The following PTDSS1 variants were observed in gnomAD, a reference collection of about 807,000 sequenced individuals.
The protein encoded by PTDSS1 is phosphatidylserine synthase 1, also known as PSS-1.
In PTDSS1, 45 loss-of-function variants were observed where a neutral mutation model predicts 70.5. The ratio of observed to expected loss-of-function variants is 0.64; its 90% confidence interval spans 0.50 to 0.82. The LOEUF (loss-of-function observed/expected upper bound fraction) is 0.82. Among genes scored for constraint, PTDSS1 ranks in the 40% least tolerant of loss-of-function variants. The probability of loss-of-function intolerance (pLI) is 0.00; values close to 1 mark genes in which losing one functional copy is unlikely to be tolerated. For synonymous variants in PTDSS1, 188 were observed against 203.8 expected (o/e 0.92, Z 0.66); for missense variants, 417 against 586.1 (o/e 0.71, Z 2.98).
chr8:96,266,877 C>T (rs574321490), intron 1 of PTDSS1, among the ~76,000 whole-genome samples: 5 of 151,972 alleles, frequency 3.3e-5, no homozygotes, highest in South Asian at 4.2e-4. Flanking sequence ...GTCCATAATA[C>T]GATTTCTAAT....
At chr8:96,325,376 G>GC (rs1343956999) in intron 10 of PTDSS1, among the ~76,000 whole-genome samples, 3 of 152,198 alleles carry the variant, frequency 2.0e-5, no homozygotes, top group Non-Finnish European at 4.4e-5. Context: ...TGTGCATAAG[G>GC]CTAAAGGATA....
chr8:96,286,684 C>T (rs1563567893), intron 3 of PTDSS1, among the ~76,000 whole-genome samples: 1 of 152,190 alleles, frequency 6.6e-6, no homozygotes, highest in Non-Finnish European at 1.5e-5. Flanking sequence ...CTAGATATTT[C>T]TCTTTTCGGA....
intron 2 of PTDSS1, among the ~76,000 whole-genome samples, chr8:96,279,058 C>A (rs1461544293): frequency 1.3e-5 from 2 of 150,972 alleles, no homozygotes; most frequent in Non-Finnish European, 2.9e-5. Context: ...GCACCCTCCA[C>A]CTCCCGGGCT....
rs1563587586 is a variant in PTDSS1 at position 96,330,278 on chromosome 8, AAAGGTATGGAAGGAGAGGCAGGC to A, written c.1241_1242+21del. 1 of 1,609,064 alleles carries A rather than the reference AAAGGTATGGAAGGAGAGGCAGGC, an allele frequency of 6.2e-7. No homozygotes were observed. Among genetic ancestry groups the A allele is most frequent in the Non-Finnish European group, 8.5e-7 (1 of 1,176,518 alleles). On this transcript the variant is annotated splice_donor_variant and splice_donor_5th_base_variant and coding_sequence_variant and intron_variant, in exon 11 of 13. Transcript: ENST00000517309. LOFTEE classifies it high-confidence loss of function. ...ATGCAGAACACTATGGTCACCGAGA[AAAGGTATGGAAGGAGAGGCAGGC>A]ATGGCCATTGTTTAAAATAATCACC...
At chr8:96,288,449 C>G (rs947551584) in intron 4 of PTDSS1, among the ~76,000 whole-genome samples, 1 of 151,756 alleles carries the variant, frequency 6.6e-6, no homozygotes, top group Non-Finnish European at 1.5e-5. Flanking sequence ...TTCAGCCTCC[C>G]GAATAGCTAG....
chr8:96,289,329 G>T (rs1271291422), intron 4 of PTDSS1, among the ~76,000 whole-genome samples: 1 of 152,112 alleles, frequency 6.6e-6, no homozygotes, highest in African/African-American at 2.4e-5. Context: ...TCTTTCTGAT[G>T]ATCAGCCCCA....
intron 9 of PTDSS1, among the ~76,000 whole-genome samples, chr8:96,314,609 A>G (rs1811258670): frequency 6.6e-6 from 1 of 151,794 alleles, no homozygotes; most frequent in East Asian, 2.0e-4. Flanking sequence ...GACAGTAGTT[A>G]CATTTGAGAT....
chr8:96,331,001 G>A lies in PTDSS1; in HGVS notation c.1243-25G>A, dbSNP rs749986767. ...CTCCCAGGGAGTTCCTAAAATTCCT[G>A]CACTAAGCCTGTCTCTCTCCCTAGA... On this transcript the variant is annotated intron_variant, in intron 11 of 12. Coordinates refer to ENST00000517309, the MANE Select transcript of PTDSS1 (RefSeq NM_014754.3). The A allele has an allele frequency of 8.2e-6, 13 of 1,595,052 alleles. 1 individual carries two copies. Among genetic ancestry groups the A allele is most frequent in the Middle Eastern group, 1.7e-4 (1 of 6,008 alleles).
chr8:96,292,281 C>A (rs941550575), intron 4 of PTDSS1, among the ~76,000 whole-genome samples: 3 of 127,330 alleles, frequency 2.4e-5, no homozygotes, highest in East Asian at 4.3e-4. Context: ...GCCTAGGCAA[C>A]GCTGTCTCAA....
intron 4 of PTDSS1, among the ~76,000 whole-genome samples, chr8:96,288,752 C>T (rs1182793606): frequency 4.6e-5 from 7 of 150,934 alleles, no homozygotes; most frequent in African/African-American, 1.7e-4. Flanking sequence ...GCCTCAGCCT[C>T]CTGAGGAACT....
intron 5 of PTDSS1, among the ~76,000 whole-genome samples, chr8:96,296,751 A>C (rs74701702): frequency 0.017 from 2,598 of 152,338 alleles, 34 homozygotes; most frequent in Non-Finnish European, 0.028. Flanking sequence ...TGGAGTGCAC[A>C]GCCTTGCTTC....
At chr8:96,279,250 G>A (rs547488626) in intron 2 of PTDSS1, among the ~76,000 whole-genome samples, 7 of 151,690 alleles carry the variant, frequency 4.6e-5, no homozygotes, top group Non-Finnish European at 1.0e-4. Flanking sequence ...CAAAGTGTTG[G>A]GATTACAGGC....
chr8:96,278,503 G>T (rs1190771270), intron 2 of PTDSS1, among the ~76,000 whole-genome samples: 2 of 152,024 alleles, frequency 1.3e-5, no homozygotes, highest in African/African-American at 4.8e-5. Context: ...GGAAGGAGAG[G>T]GTCTGATGTC....
At chr8:96,333,285 A>G (rs1811544028) in intron 12 of PTDSS1, among the ~76,000 whole-genome samples, 172 bp from the exon 13 acceptor site, 1 of 152,104 alleles carries the variant, frequency 6.6e-6, no homozygotes, top group Non-Finnish European at 1.5e-5. Context: ...GTGCTCCTTC[A>G]GTACTAGTTC....
At chr8:96,305,471 A>G (rs1371214509) in intron 7 of PTDSS1, among the ~76,000 whole-genome samples, 2 of 152,298 alleles carry the variant, frequency 1.3e-5, no homozygotes, top group East Asian at 3.9e-4. Context: ...GAGAGCAGCC[A>G]CGTCCCAGCC....
At position 96,331,062 on chromosome 8, in the gene PTDSS1, G is replaced by C; in HGVS notation, c.1279G>C (p.Glu427Gln). 1 of 1,613,618 alleles carries C rather than the reference G, an allele frequency of 6.2e-7. No individual in the cohort carries two copies. Among genetic ancestry groups the C allele is most frequent in the Non-Finnish European group, 8.5e-7 (1 of 1,179,548 alleles). The change falls in exon 12 of 13, where the codon GAG becomes CAG. Residue 427 changes from glutamate to glutamine, a missense_variant. By Grantham distance (29) the Glu-to-Gln change is conservative. Transcript: ENST00000517309. Reference protein sequence around the residue: ...SECEDGTYSPEISWHHRKGTK... With the variant: ...SECEDGTYSPQISWHHRKGTK... ...GTGTGAAGATGGCACCTACAGTCCAGAGATCTCCTGGCATCACAGGAAAGG... is the reference window on the plus strand; with the variant it reads ...GTGTGAAGATGGCACCTACAGTCCACAGATCTCCTGGCATCACAGGAAAGG...
In PTDSS1 at chr8:96,333,764, G is replaced by T. The variant is rs889099912; in HGVS notation, c.*198G>T. 1 of 710,286 alleles carries T rather than the reference G, an allele frequency of 1.4e-6. No homozygotes were observed. The highest frequency in any genetic ancestry group is 2.7e-5 in the East Asian group (1 of 37,254). 44.0% of individuals were successfully genotyped at this position (710,286 alleles called of 1,614,324 possible). A position where few individuals can be genotyped will look rare whatever the true frequency, so the allele number is the denominator to read the frequency against. ...CGTCAGGCAGATCATCGCCTGGGGG[G>T]CCTTTGCCAACGTGGGGTCTCTTCT... is the stretch of plus-strand genomic sequence containing the variant. On this transcript the variant is annotated 3_prime_UTR_variant, in exon 13 of 13. Transcript: ENST00000517309.
chr8:96,283,817 A>G lies in PTDSS1; in HGVS notation c.272-292A>G, dbSNP rs9969439. ...CTAGCCTGATGACCCACTCACTATT[A>G]CAACATTGTTTCCATGGGAAATTAT... is the stretch of plus-strand genomic sequence containing the variant. On this transcript the variant is annotated intron_variant, in intron 2 of 12. Transcript: ENST00000517309. 16,948 of 351,810 alleles carry G rather than the reference A, an allele frequency of 0.048. 2,174 individuals carry two copies. Among genetic ancestry groups the G allele is most frequent in the African/African-American group, 0.3 (13,774 of 46,310 alleles). The allele number at this position is 351,810 out of a possible 1,614,324, so 21.8% of individuals were successfully genotyped here. A position where few individuals can be genotyped will look rare whatever the true frequency, so the allele number is the denominator to read the frequency against.
At chr8:96,295,515 G>T (rs1810962794) in intron 5 of PTDSS1, among the ~76,000 whole-genome samples, 1 of 152,164 alleles carries the variant, frequency 6.6e-6, no homozygotes, top group South Asian at 2.1e-4. Flanking sequence ...TAAAGCTAAA[G>T]AATGAAGTTA....
Sources: allele counts gnomAD v4.1 joint callset (sites outside exome capture counted in the v4.1 genomes callset), GRCh38; gene constraint gnomAD v4.1.1; transcripts MANE v1.5; gene names NCBI Gene and HGNC (gene_info 2026-07-23, HGNC 2026-07-21).